Variants in TP63 observed in about 807,000 individuals in gnomAD.
TP63 encodes tumor protein 63.
TP63 carries 17 observed loss-of-function variants against 82.8 expected under a neutral mutation model. The observed-to-expected ratio is 0.21, with a 90% CI of 0.14 to 0.31. TP63 has a LOEUF of 0.31. Ranked by LOEUF, TP63 falls within the 10% of genes least tolerant of loss-of-function variation. The probability of loss-of-function intolerance (pLI) is 1.00; values close to 1 mark genes in which losing one functional copy is unlikely to be tolerated. For missense variants in TP63, 648 were observed against 895.3 expected (o/e 0.72, Z 3.52); for synonymous variants, 330 against 321.7 (o/e 1.03, Z -0.28).
chr3:189,793,314 G>T (rs1160907637), intron 3 of TP63, among the ~76,000 whole-genome samples: 1 of 152,064 alleles, frequency 6.6e-6, no homozygotes, highest in Non-Finnish European at 1.5e-5. Flanking sequence ...GAAGAGCAGT[G>T]ATTCTCAACA....
chr3:189,810,607 C>T (rs1413469666), intron 4 of TP63, among the ~76,000 whole-genome samples: 1 of 152,068 alleles, frequency 6.6e-6, no homozygotes, highest in Non-Finnish European at 1.5e-5. Context: ...CCTATAATCC[C>T]AGCACTTTGG....
rs553271746 is a variant in TP63, at chr3:189,727,699, G to A, written c.63-10041G>A. ...AGCTCCATTTTCATGTATCTGGGTC[G>A]TGGATGTTACATGCATTTTTCTTCA... On this transcript the variant is annotated intron_variant, in intron 1 of 13. Coordinates refer to ENST00000264731, the MANE Select transcript of TP63 (RefSeq NM_003722.5). Among the ~76,000 whole-genome samples, 8 of 152,078 alleles carry A rather than the reference G, an allele frequency of 5.3e-5. No homozygotes were observed. The South Asian group carries it at 8.3e-4, about 16-fold the overall frequency.
chr3:189,890,874 T>G lies in TP63; in HGVS notation c.1738T>G (p.Ser580Ala), dbSNP rs121908846. 2.5e-6 allele frequency: 4 copies of G among 1,613,682 alleles called. No homozygotes were observed. In the African/African-American group the frequency reaches 5.3e-5, roughly 22 times the overall value. The change falls in exon 13 of 14, where the codon TCC (serine) becomes GCC (alanine). Residue 580 changes from serine (S) to alanine (A), a missense_variant. This residue lies in a region of TP63 where 342 missense variants were observed against 425.7 expected (regional missense o/e 0.80). Coordinates refer to ENST00000264731, the MANE Select transcript of TP63 (RefSeq NM_003722.5). ...CACCATCTATCAGATTGAGCATTAC[T>G]CCATGGATGTAAGTAACTGTTAGAC... ...LTTIYQIEHY[S>A]MDDLASLKIP...
At chr3:189,840,513 G>A (rs1038462199) in intron 4 of TP63, among the ~76,000 whole-genome samples, 1 of 151,496 alleles carries the variant, frequency 6.6e-6, no homozygotes, top group Non-Finnish European at 1.5e-5. Flanking sequence ...ATGGGAGAGG[G>A]TGAGAATACA....
chr3:189,629,120 G>C (rs892118609), upstream of TP63, among the ~76,000 whole-genome samples: 1 of 152,072 alleles, frequency 6.6e-6, no homozygotes, highest in African/African-American at 2.4e-5. Context: ...GCTCATGCCT[G>C]TAATCCCAAC....
At chr3:189,798,016 C>G (rs752987387) in intron 3 of TP63, among the ~76,000 whole-genome samples, 6 of 151,964 alleles carry the variant, frequency 3.9e-5, no homozygotes, top group Non-Finnish European at 5.9e-5. Flanking sequence ...TACACCAGAT[C>G]CTTCCTCCCT....
rs552735744 is a variant in TP63, at chr3:189,890,208, G to T, written c.1653-581G>T. 2.6e-5 allele frequency among the ~76,000 whole-genome samples: 4 copies of T among 152,314 alleles called. No individual in the cohort carries two copies. The South Asian group carries it at 8.3e-4, about 32-fold the overall frequency. ...CTACGTCAATCACAGGGATGGCAAA[G>T]TGCGTGGCCTTTTCCACCCAGGGTC... On this transcript the variant is annotated intron_variant, in intron 12 of 13. Transcript: ENST00000264731.
At chr3:189,824,620 C>CA (rs770173194) in intron 4 of TP63, among the ~76,000 whole-genome samples, 1 of 152,118 alleles carries the variant, frequency 6.6e-6, no homozygotes, top group Non-Finnish European at 1.5e-5. Flanking sequence ...TGGCTGCTGT[C>CA]ACACGGCACT....
intron 1 of TP63, among the ~76,000 whole-genome samples, chr3:189,724,395 G>A (rs904952231): frequency 1.3e-5 from 2 of 152,096 alleles, no homozygotes; most frequent in African/African-American, 4.8e-5. Context: ...GTTTTTTAGA[G>A]GTGATTTGTG....
At chr3:189,765,230 A>C (rs1722846698) in intron 3 of TP63, among the ~76,000 whole-genome samples, 1 of 68,968 alleles carries the variant, frequency 1.4e-5, no homozygotes, top group Admixed American at 2.0e-4. Flanking sequence ...TAGAAAACTA[A>C]GGAGAATATA....
intron 4 of TP63, among the ~76,000 whole-genome samples, chr3:189,838,917 C>G (rs1713542140): frequency 6.6e-6 from 1 of 151,536 alleles, no homozygotes; most frequent in Admixed American, 6.6e-5. Flanking sequence ...AAATTTATCT[C>G]ATTATTGTTC....
intron 10 of TP63, among the ~76,000 whole-genome samples, chr3:189,882,498 C>T (rs563556730): frequency 6.3e-5 from 9 of 143,742 alleles, no homozygotes; most frequent in Non-Finnish European, 1.4e-4. Context: ...TTTCTCATAA[C>T]AAGGATGCTC....
chr3:189,890,952 A>G lies in TP63; in HGVS notation c.1746+70A>G, dbSNP rs1720956158. ...TTTCCTCTGATGACAACCGCCTTGT[A>G]GTTCAATCCCTGATAGTTTAAAAAT... On this transcript the variant is annotated intron_variant, in intron 13 of 13. Coordinates refer to ENST00000264731, the MANE Select transcript of TP63 (RefSeq NM_003722.5). The G allele has an allele frequency of 3.4e-6, 5 of 1,461,254 alleles. No homozygotes were observed. The Admixed American group carries it at 5.3e-5, about 15-fold the overall frequency. 90.5% of individuals were successfully genotyped at this position (1,461,254 alleles called of 1,614,324 possible). A position where few individuals can be genotyped will look rare whatever the true frequency, so the allele number is the denominator to read the frequency against.
Position 189,894,550 on chromosome 3 carries a change from C to A in TP63, c.*48C>A. 6.2e-7 allele frequency: 1 copy of A among 1,603,546 alleles called. No homozygotes were observed. The highest frequency in any genetic ancestry group is 1.1e-5 in the South Asian group (1 of 90,528). ...TATCCCTCTCCTAACTGCCAGCCCC[C>A]TAAAAGCACTCCTGCTTAATCTTCA... is the stretch of plus-strand genomic sequence containing the variant. On this transcript the variant is annotated 3_prime_UTR_variant, in exon 14 of 14. Coordinates refer to ENST00000264731, the MANE Select transcript of TP63 (RefSeq NM_003722.5).
chr3:189,846,791 A>G (rs113642226), intron 4 of TP63, among the ~76,000 whole-genome samples: 21,273 of 147,236 alleles, frequency 0.14, 1,881 homozygotes, highest in South Asian at 0.23. Context: ...GGTTCAAGCA[A>G]TTCTCCTGCC....
intron 2 of TP63, 97 bp downstream of exon 2, chr3:189,737,965 C>T (rs2108795767): frequency 6.8e-7 from 1 of 1,464,370 alleles, no homozygotes; most frequent in Non-Finnish European, 9.4e-7. Context: ...TTTCTAGAAT[C>T]AGTAGAAGTT....
In TP63 at chr3:189,805,267, A is replaced by G. The variant is rs114846211; in HGVS notation, c.325-3005A>G. ...AGTATACAGCCTAAACCCTTTCTCA[A>G]AATTGTCACTAGCTTTTCTTATTCA... On this transcript the variant is annotated intron_variant, in intron 3 of 13. Coordinates refer to ENST00000264731, the MANE Select transcript of TP63 (RefSeq NM_003722.5). 4.8e-3 allele frequency among the ~76,000 whole-genome samples: 729 copies of G among 152,286 alleles called. 6 individuals are homozygous for G. The highest frequency in any genetic ancestry group is 0.017 in the Admixed American group (254 of 15,290).
intron 1 of TP63, among the ~76,000 whole-genome samples, chr3:189,679,471 A>G (rs1356058966): frequency 6.6e-6 from 1 of 152,024 alleles, no homozygotes; most frequent in African/African-American, 2.4e-5. Flanking sequence ...CCATTTTTAA[A>G]TTAGATTATT....
chr3:189,875,593 CATATATATATATATAT>C lies in TP63; in HGVS notation c.1349+2628_1349+2643del, dbSNP rs774764336. ...AAAGAAAAAGAAAAAAAAATACATA[CATATATATATATATAT>C]ATATATATATATATATATATATATA... On this transcript the variant is annotated intron_variant, in intron 10 of 13. Transcript: ENST00000264731. Among the ~76,000 whole-genome samples the C allele has an allele frequency of 2.0e-3, 81 of 40,762 alleles. No individual in the cohort carries two copies. The East Asian group carries it at 0.034, about 17-fold the overall frequency. 26.7% of individuals were successfully genotyped at this position (40,762 alleles called of 152,430 possible).
Sources: allele counts gnomAD v4.1 joint callset (sites outside exome capture counted in the v4.1 genomes callset), GRCh38; gene constraint gnomAD v4.1.1; regional missense constraint gnomAD v4.1.1; transcripts MANE v1.5; gene names NCBI Gene and HGNC (gene_info 2026-07-23, HGNC 2026-07-21).